Variants in FRMD5 observed in about 807,000 individuals in gnomAD.
The protein encoded by FRMD5 is FERM domain containing 5.
In FRMD5, 20 loss-of-function variants were observed where a neutral mutation model predicts 69.0. The observed-to-expected ratio is 0.29, with a 90% confidence interval of 0.20 to 0.42. The LOEUF is 0.42. Among genes scored for constraint, FRMD5 ranks in the 10% least tolerant of loss-of-function variants. The pLI, the probability that FRMD5 is intolerant of heterozygous loss-of-function variation, is 1.00. For missense variants in FRMD5, 595 were observed against 708.6 expected (o/e 0.84, Z 1.82); for synonymous variants, 271 against 260.1 (o/e 1.04, Z -0.40).
intron 1 of FRMD5, among the ~76,000 whole-genome samples, chr15:44,022,932 C>T (rs993533386): frequency 3.3e-5 from 5 of 152,096 alleles, no homozygotes; most frequent in African/African-American, 1.2e-4. Context: ...TACAGAATGG[C>T]TTCAGGTAGA....
intron 1 of FRMD5, among the ~76,000 whole-genome samples, chr15:44,116,088 C>T (rs899472862): frequency 1.3e-5 from 2 of 152,002 alleles, no homozygotes; most frequent in Non-Finnish European, 2.9e-5. Context: ...CAGATGAATG[C>T]TAACCAGGGG....
At chr15:43,976,010 A>C (rs544799631) in intron 1 of FRMD5, among the ~76,000 whole-genome samples, 19 of 152,166 alleles carry the variant, frequency 1.2e-4, no homozygotes, top group African/African-American at 3.9e-4. Context: ...TTCAGCAGAG[A>C]AAGGAAAGCC....
At chr15:44,090,387 T>G (rs143165720) in intron 1 of FRMD5, among the ~76,000 whole-genome samples, 2,609 of 152,166 alleles carry the variant, frequency 0.017, 33 homozygotes, top group Middle Eastern at 0.034. Flanking sequence ...TATTTTAAAA[T>G]TAAAGATAAA....
chr15:44,133,004 G>A (rs934563657), intron 1 of FRMD5, among the ~76,000 whole-genome samples: 97 of 150,732 alleles, frequency 6.4e-4, no homozygotes, highest in African/African-American at 2.3e-3. Context: ...CTTGTGATCC[G>A]CCCATCTTGG....
intron 1 of FRMD5, among the ~76,000 whole-genome samples, chr15:44,187,486 CT>C (rs1286078041): frequency 6.6e-6 from 1 of 151,934 alleles, no homozygotes; most frequent in African/African-American, 2.4e-5. Flanking sequence ...ACATTTTTAA[CT>C]TTTCCACTTA....
intron 1 of FRMD5, among the ~76,000 whole-genome samples, chr15:44,026,438 T>C (rs1007887342): frequency 1.2e-4 from 18 of 152,240 alleles, no homozygotes; most frequent in Non-Finnish European, 2.1e-4. Context: ...ATTTCTCATG[T>C]TCTATCTAGT....
intron 1 of FRMD5, among the ~76,000 whole-genome samples, chr15:43,932,779 A>G (rs917552114): frequency 6.6e-6 from 1 of 152,200 alleles, no homozygotes; most frequent in African/African-American, 2.4e-5. Context: ...ACAACAGGAT[A>G]TTGACAGATA....
chr15:44,124,745 A>T (rs1210507663), intron 1 of FRMD5, among the ~76,000 whole-genome samples: 2 of 152,188 alleles, frequency 1.3e-5, no homozygotes, highest in Non-Finnish European at 2.9e-5. Flanking sequence ...TAGACATGCT[A>T]TTTAAAACAG....
In FRMD5 at chr15:44,156,195, G is replaced by C. The variant is rs147084445; in HGVS notation, c.102+38758C>G. On this transcript the variant is annotated intron_variant, in intron 1 of 13. Coordinates refer to ENST00000417257, the MANE Select transcript of FRMD5 (RefSeq NM_032892.5). ...GTCTCGCTCTGTCACCCAGACAGGAGTGCAGTGGCATGATCTCGGCTCACT... is the reference window on the plus strand; with the variant it reads ...GTCTCGCTCTGTCACCCAGACAGGACTGCAGTGGCATGATCTCGGCTCACT... 3.9e-3 allele frequency among the ~76,000 whole-genome samples: 600 copies of C among 151,922 alleles called. 5 individuals are homozygous for C. The highest frequency in any genetic ancestry group is 0.014 in the African/African-American group (563 of 41,442).
intron 1 of FRMD5, among the ~76,000 whole-genome samples, chr15:44,040,740 T>A (rs901102770): frequency 3.3e-5 from 5 of 152,010 alleles, no homozygotes; most frequent in Non-Finnish European, 2.9e-5. Flanking sequence ...ATCCACACTA[T>A]GAAGAAACTG....
intron 1 of FRMD5, among the ~76,000 whole-genome samples, chr15:43,946,961 T>A (rs1484816482): frequency 1.3e-5 from 2 of 152,226 alleles, no homozygotes; most frequent in Non-Finnish European, 2.9e-5. Flanking sequence ...ATTTCTAGCA[T>A]TAAACTACTT....
chr15:44,058,769 G>A (rs534211934), intron 1 of FRMD5, among the ~76,000 whole-genome samples: 8 of 132,688 alleles, frequency 6.0e-5, no homozygotes, highest in Admixed American at 8.7e-5. Context: ...CTGGGCGACA[G>A]AGTGAGACTC....
intron 5 of FRMD5, among the ~76,000 whole-genome samples, chr15:43,908,941 T>C (rs2089232823): frequency 6.6e-6 from 1 of 152,124 alleles, no homozygotes; most frequent in Non-Finnish European, 1.5e-5. Context: ...AAAAATCAAG[T>C]CTGATTACAC....
At position 43,873,033 on chromosome 15, in the gene FRMD5, A is replaced by G. The variant is rs2088203131; in HGVS notation, c.*852T>C. 1 of 687,254 alleles carries G rather than the reference A, an allele frequency of 1.5e-6. No individual in the cohort carries two copies. The highest frequency in any genetic ancestry group is 2.5e-6 in the Non-Finnish European group (1 of 403,736). The allele number at this position is 687,254 out of a possible 1,614,324, so 42.6% of individuals were successfully genotyped here. ...GACAGAACTATCTATCTCTGGTACC[A>G]CTGAATTCGTTTAACGCCCCTGGAG... is the stretch of plus-strand genomic sequence containing the variant. On this transcript the variant is annotated 3_prime_UTR_variant, in exon 14 of 14. Transcript: ENST00000417257.
intron 1 of FRMD5, among the ~76,000 whole-genome samples, chr15:43,991,015 G>C (rs912529051): frequency 1.3e-5 from 2 of 152,178 alleles, no homozygotes; most frequent in African/African-American, 4.8e-5. Context: ...ATTTCAAAGA[G>C]AGCTCTGTAA....
intron 1 of FRMD5, chr15:43,989,531 T>A (rs927042088): frequency 4.4e-6 from 4 of 900,284 alleles, no homozygotes; most frequent in Non-Finnish European, 7.5e-6. Context: ...CAGGGTGACA[T>A]AGCACAGCTT....
At chr15:43,937,604 C>A (rs1255551280) in intron 1 of FRMD5, among the ~76,000 whole-genome samples, 1 of 148,338 alleles carries the variant, frequency 6.7e-6, no homozygotes, top group Non-Finnish European at 1.5e-5. Flanking sequence ...CGCCACTGCA[C>A]TCTGCACTCC....
chr15:43,956,309 T>C (rs2090115067), intron 1 of FRMD5, among the ~76,000 whole-genome samples: 1 of 152,166 alleles, frequency 6.6e-6, no homozygotes, highest in African/African-American at 2.4e-5. Context: ...AGACACAGCT[T>C]TTTTTCCCTA....
intron 1 of FRMD5, among the ~76,000 whole-genome samples, chr15:44,011,998 T>C (rs1236142381): frequency 2.0e-5 from 3 of 152,228 alleles, no homozygotes; most frequent in African/African-American, 4.8e-5. Context: ...TCATATTTGT[T>C]GGTGTCCATC....
Sources: allele counts gnomAD v4.1 joint callset (sites outside exome capture counted in the v4.1 genomes callset), GRCh38; gene constraint gnomAD v4.1.1; transcripts MANE v1.5; gene names NCBI Gene and HGNC (gene_info 2026-07-23, HGNC 2026-07-21).